The following PNMT variants were observed in gnomAD, a reference collection of about 807,000 sequenced individuals.
PNMT encodes the protein noradrenaline N-methyltransferase.
Under a neutral mutation model 18.9 loss-of-function variants are expected in PNMT, and 18 were observed. That is an observed-to-expected ratio of 0.95 (90% CI 0.66 to 1.41). The LOEUF is 1.41. Ranked by LOEUF, PNMT falls within the 40% of genes most tolerant of loss-of-function variation. The probability of loss-of-function intolerance (pLI) is 0.00; values close to 1 mark genes in which losing one functional copy is unlikely to be tolerated. For synonymous variants in PNMT, 167 were observed against 168.6 expected (o/e 0.99, Z 0.08); for missense variants, 378 against 387.0 (o/e 0.98, Z 0.20).
At position 39,668,512 on chromosome 17, in the gene PNMT, G is replaced by A; in HGVS notation, c.37G>A (p.Ala13Thr). 1 of 1,534,288 alleles carries A rather than the reference G, an allele frequency of 6.5e-7. No homozygotes were observed. The highest frequency in any genetic ancestry group is 2.5e-5 in the East Asian group (1 of 40,802). ...AGACCGTAGCCCCAATGCGGGCGCA[G>A]CCCCTGACTCGGCCCCGGGCCAGGC... ...GADRSPNAGA[A>T]PDSAPGQAAV... Residue 13 changes from alanine (A) to threonine (T), a missense_variant, in exon 1 of 3, where the codon GCC becomes ACC. Physicochemically the swap from Ala to Thr is moderately conservative, Grantham distance 58 (BLOSUM62 0). Coordinates refer to ENST00000269582, the MANE Select transcript of PNMT (RefSeq NM_002686.4).
At chr17:39,668,846 C>T (rs529426506) in intron 1 of PNMT, among the ~76,000 whole-genome samples, 169 bp downstream of exon 1, 2 of 151,672 alleles carry the variant, frequency 1.3e-5, no homozygotes, top group South Asian at 2.1e-4. Context: ...AGAGCAACAT[C>T]CCTTAGGAGA....
upstream of PNMT, chr17:39,668,316 A>T: frequency 1.9e-6 from 1 of 525,296 alleles, no homozygotes; most frequent in Non-Finnish European, 3.1e-6. Flanking sequence ...CCGGACACTA[A>T]GGGAGATGGA....
In PNMT at chr17:39,670,092, G is replaced by A; in HGVS notation, c.552G>A (p.Leu184=). The change falls in exon 3 of 3, where the codon TTG becomes TTA. Residue 184 remains leucine, a synonymous_variant. Coordinates refer to ENST00000269582, the MANE Select transcript of PNMT (RefSeq NM_002686.4). The part of the protein sequence containing the change: ...PADALVSAFC[L]EAVSPDLASF... ...ACGCCCTGGTCTCTGCCTTCTGCTT[G>A]GAGGCTGTGAGCCCAGATCTTGCCA... 6.2e-7 allele frequency: 1 copy of A among 1,609,678 alleles called. No homozygotes were observed. Among genetic ancestry groups the A allele is most frequent in the Non-Finnish European group, 8.5e-7 (1 of 1,179,974 alleles).
chr17:39,668,411 G>A, upstream of PNMT: 1 of 1,291,318 alleles, frequency 7.7e-7, no homozygotes, highest in Non-Finnish European at 9.9e-7. Flanking sequence ...GGTCGGGGCG[G>A]GGGTCGGGCG....
rs1487862293 is a variant in PNMT at position 39,670,256 on chromosome 17, T to A, written c.716T>A (p.Val239Glu). The change falls in exon 3 of 3, where the codon GTG (valine) becomes GAG (glutamate). Residue 239 changes from valine (V) to glutamate (E), a missense_variant. Coordinates refer to ENST00000269582, the MANE Select transcript of PNMT (RefSeq NM_002686.4). ...LTVVPVSEEE[V>E]REALVRSGYK... ...GTGGTGCCAGTGTCTGAGGAGGAGG[T>A]GAGGGAGGCCCTGGTGCGTAGTGGC... 2 of 1,609,030 alleles carry A rather than the reference T, an allele frequency of 1.2e-6. No individual in the cohort carries two copies. The highest frequency in any genetic ancestry group is 4.5e-5 in the East Asian group (2 of 44,756).
chr17:39,668,470 G>C lies in PNMT; in HGVS notation c.-6G>C, dbSNP rs2057272031. 2.8e-6 allele frequency: 4 copies of C among 1,405,174 alleles called. No individual in the cohort carries two copies. Among genetic ancestry groups the C allele is most frequent in the Admixed American group, 3.2e-5 (1 of 31,032 alleles). The allele number at this position is 1,405,174 out of a possible 1,614,324, so 87.0% of individuals were successfully genotyped here. On this transcript the variant is annotated 5_prime_UTR_variant, in exon 1 of 3. Transcript: ENST00000269582. ...AGCGGGGCACTGGGCGGACCGCGGC[G>C]GCAGCATGAGCGGCGCAGACCGTAG... is the stretch of plus-strand genomic sequence containing the variant.
chr17:39,668,710 G>T (rs1336516350), intron 1 of PNMT, 33 bp downstream of exon 1: 1 of 1,521,376 alleles, frequency 6.6e-7, no homozygotes, highest in East Asian at 2.5e-5. Flanking sequence ...CGAGGGACAA[G>T]AGGTCGTCGG....
chr17:39,668,607 C>A lies in PNMT; in HGVS notation c.132C>A (p.Arg44=). The stretch of plus-strand genomic sequence containing the variant: ...TCCGCAACAACTACGCGCCCCCTCG[C>A]GGGGACCTGTGCAACCCGAACGGCG... ...AYLRNNYAPP[R]GDLCNPNGVG... The change falls in exon 1 of 3, where the codon CGC becomes CGA. Residue 44 remains arginine, a synonymous_variant. Coordinates refer to ENST00000269582, the MANE Select transcript of PNMT (RefSeq NM_002686.4). The A allele has an allele frequency of 6.2e-7, 1 of 1,605,434 alleles. No individual in the cohort carries two copies. Among genetic ancestry groups the A allele is most frequent in the Admixed American group, 1.7e-5 (1 of 59,786 alleles).
intron 1 of PNMT, among the ~76,000 whole-genome samples, chr17:39,669,009 C>A (rs755947811): frequency 6.6e-6 from 1 of 152,114 alleles, no homozygotes; most frequent in Non-Finnish European, 1.5e-5. Context: ...GATTTCCTCG[C>A]TGAGCCTGGC....
Position 39,668,662 on chromosome 17 carries a change from C to T in PNMT, c.187C>T (p.Gln63Ter). 2 of 1,582,396 alleles carry T rather than the reference C, an allele frequency of 1.3e-6. No individual in the cohort carries two copies. Among genetic ancestry groups the T allele is most frequent in the Non-Finnish European group, 1.7e-6 (2 of 1,163,126 alleles). Residue 63 changes from glutamine to a stop codon, truncating the protein, a stop_gained, in exon 1 of 3, where the codon CAG (glutamine) becomes TAG (stop). Coordinates refer to ENST00000269582, the MANE Select transcript of PNMT (RefSeq NM_002686.4). LOFTEE classifies it high-confidence loss of function. ...GCCGTGGAAGCTGCGCTGCTTGGCG[C>T]AGACCTTCGCCACCGGTGAGCGGGG... ...VGPWKLRCLA[Q>*]TFATGEVSGR...
At chr17:39,668,332 G>A (rs1411361594), upstream of PNMT, 1 of 564,632 alleles carries the variant, frequency 1.8e-6, no homozygotes, top group Non-Finnish European at 2.8e-6. Flanking sequence ...ATGGATGAAT[G>A]GGTGGGGAGG....
In PNMT at chr17:39,670,464, T is replaced by C. The variant is rs1383646592; in HGVS notation, c.*75T>C. The C allele has an allele frequency of 8.6e-6, 10 of 1,157,458 alleles. No individual in the cohort carries two copies. Among genetic ancestry groups the C allele is most frequent in the Non-Finnish European group, 1.2e-5 (10 of 835,274 alleles). 71.7% of individuals were successfully genotyped at this position (1,157,458 alleles called of 1,614,324 possible). On this transcript the variant is annotated 3_prime_UTR_variant, in exon 3 of 3. Transcript: ENST00000269582. ...TTTGAAGTGGCACCTAATAAAGAAA[T>C]AATACCCTGCCGCTGCGGTCAGTGC...
Position 39,668,589 on chromosome 17 carries a change from C to A in PNMT, c.114C>A (p.Asn38Lys), listed in dbSNP as rs573387485. 6.2e-7 allele frequency: 1 copy of A among 1,601,424 alleles called. No individual in the cohort carries two copies. The highest frequency in any genetic ancestry group is 8.5e-7 in the Non-Finnish European group (1 of 1,178,196). Residue 38 changes from asparagine to lysine, a missense_variant, in exon 1 of 3, where the codon AAC becomes AAA. By Grantham distance (94) the Asn-to-Lys change is moderately conservative. Coordinates refer to ENST00000269582, the MANE Select transcript of PNMT (RefSeq NM_002686.4). ...QRFEPRAYLR[N>K]NYAPPRGDLC... ...TCGAGCCGCGCGCCTACCTCCGCAA[C>A]AACTACGCGCCCCCTCGCGGGGACC...
rs200707337 is a variant in PNMT at position 39,670,152 on chromosome 17, G to T, written c.612G>T (p.Leu204=). The T allele has an allele frequency of 6.2e-7, 1 of 1,612,014 alleles. No individual in the cohort carries two copies. The highest frequency in any genetic ancestry group is 8.5e-7 in the Non-Finnish European group (1 of 1,179,976). ...GGGCCCTGGACCACATCACCACGCTGCTGAGGCCTGGGGGGCACCTCCTCC... is the reference window on the plus strand; with the variant it reads ...GGGCCCTGGACCACATCACCACGCTTCTGAGGCCTGGGGGGCACCTCCTCC... ...FQRALDHITT[L]LRPGGHLLLI... The change falls in exon 3 of 3, where the codon CTG becomes CTT. Residue 204 remains leucine (L), a synonymous_variant. Coordinates refer to ENST00000269582, the MANE Select transcript of PNMT (RefSeq NM_002686.4).
At chr17:39,668,883 A>G (rs1339242046) in intron 1 of PNMT, among the ~76,000 whole-genome samples, 1 of 147,844 alleles carries the variant, frequency 6.8e-6, no homozygotes, top group African/African-American at 2.5e-5. Context: ...AGGTGGAGAG[A>G]GGGGGCGGAG....
chr17:39,668,559 G>C lies in PNMT; in HGVS notation c.84G>C (p.Gln28His). 1 of 1,574,202 alleles carries C rather than the reference G, an allele frequency of 6.4e-7. No homozygotes were observed. The highest frequency in any genetic ancestry group is 8.6e-7 in the Non-Finnish European group (1 of 1,167,008). Residue 28 changes from glutamine to histidine, a missense_variant, in exon 1 of 3, where the codon CAG becomes CAC. Physicochemically the swap from Gln to His is conservative, Grantham distance 24 (BLOSUM62 0). Coordinates refer to ENST00000269582, the MANE Select transcript of PNMT (RefSeq NM_002686.4). The part of the protein sequence containing the change: ...PGQAAVASAY[Q>H]RFEPRAYLRN... ...AGGCGGCGGTGGCTTCGGCCTACCAGCGCTTCGAGCCGCGCGCCTACCTCC... is the reference window on the plus strand; with the variant it reads ...AGGCGGCGGTGGCTTCGGCCTACCACCGCTTCGAGCCGCGCGCCTACCTCC...
intron 1 of PNMT, among the ~76,000 whole-genome samples, chr17:39,669,267 G>C (rs1011525791): frequency 1.3e-4 from 20 of 152,046 alleles, no homozygotes; most frequent in Admixed American, 1.2e-3. Flanking sequence ...ATTTTTAGTA[G>C]AGACGGGACT....
chr17:39,669,786 C>T lies in PNMT; in HGVS notation c.360C>T (p.Ala120=), dbSNP rs1336292939. Residue 120 remains alanine (A), a synonymous_variant, in exon 2 of 3, where the codon GCC becomes GCT. Coordinates refer to ENST00000269582, the MANE Select transcript of PNMT (RefSeq NM_002686.4). ...GCTGGCTGCAGGAGGAGCCGGGGGCCTTCAACTGGAGCATGTACAGCCAAC... is the reference window on the plus strand; with the variant it reads ...GCTGGCTGCAGGAGGAGCCGGGGGCTTTCAACTGGAGCATGTACAGCCAAC... ...LGRWLQEEPG[A]FNWSMYSQHA... is the part of the protein sequence containing the mutation. The T allele has an allele frequency of 3.7e-6, 6 of 1,613,964 alleles. No homozygotes were observed. The South Asian group carries it at 5.5e-5, about 15-fold the overall frequency.
intron 1 of PNMT, 63 bp downstream of exon 1, chr17:39,668,740 G>A: frequency 1.5e-6 from 2 of 1,358,512 alleles, no homozygotes; most frequent in Non-Finnish European, 2.0e-6. Flanking sequence ...GCAGGCGCAG[G>A]GAAATAAAAA....
Sources: gnomAD v4.1 joint callset for allele counts (sites outside exome capture counted in the v4.1 genomes callset) on GRCh38, gnomAD v4.1.1 for gene constraint, MANE v1.5 for transcripts, NCBI Gene and HGNC (gene_info 2026-07-23, HGNC 2026-07-21) for gene names.